The following ZSWIM4 variants were observed in gnomAD, a reference collection of about 807,000 sequenced individuals.
ZSWIM4 encodes the protein zinc finger SWIM domain-containing protein 4.
A neutral mutation model predicts 102.5 loss-of-function variants in ZSWIM4; 62 were observed. The ratio of observed to expected loss-of-function variants is 0.60; its 90% CI spans 0.49 to 0.75. The LOEUF is 0.75. Among genes scored for constraint, ZSWIM4 ranks in the 30% least tolerant of loss-of-function variants. The probability of loss-of-function intolerance (pLI) is 0.00; values close to 1 mark genes in which losing one functional copy is unlikely to be tolerated. For synonymous variants in ZSWIM4, 652 were observed against 674.5 expected (o/e 0.97, Z 0.52); for missense variants, 1,280 against 1,529.6 (o/e 0.84, Z 2.72).
chr19:13,819,228 C>G, intron 9 of ZSWIM4, 129 bp from the exon 10 acceptor site: 1 of 1,287,724 alleles, frequency 7.8e-7, no homozygotes, highest in Non-Finnish European at 1.1e-6. Context: ...ACCCCAGAGA[C>G]CCATCTAGCC....
At chr19:13,808,666 G>T (rs1263460379) in intron 3 of ZSWIM4, among the ~76,000 whole-genome samples, 170 bp from the exon 4 acceptor site, 1 of 151,262 alleles carries the variant, frequency 6.6e-6, no homozygotes, top group South Asian at 2.1e-4. Flanking sequence ...TTGAACCCGG[G>T]AGGCAGAGGT....
rs776744744 is a variant in ZSWIM4 at position 13,804,990 on chromosome 19, G to A, written c.554G>A (p.Arg185Gln). Residue 185 changes from arginine to glutamine, a missense_variant, in exon 3 of 14, where the codon CGG becomes CAG. Arg to Gln is a conservative substitution (Grantham distance 43, BLOSUM62 1). Coordinates refer to ENST00000590508, the MANE Select transcript of ZSWIM4 (RefSeq NM_001367834.3). ...RIRHAHQVEL[R>Q]LPISETLSQM... ...CGGCACGCCCACCAGGTGGAGCTGC[G>A]GCTGCCCATCTCCGAGACGCTCTCC... 1.9e-6 allele frequency: 3 copies of A among 1,612,640 alleles called. No homozygotes were observed. Among genetic ancestry groups the A allele is most frequent in the Non-Finnish European group, 1.7e-6 (2 of 1,180,042 alleles).
intron 11 of ZSWIM4, among the ~76,000 whole-genome samples, chr19:13,824,144 A>T (rs1975542938): frequency 6.6e-6 from 1 of 151,776 alleles, no homozygotes; most frequent in Admixed American, 6.6e-5. Context: ...GCCAGAGAGG[A>T]GAGAGAGAAG....
intron 13 of ZSWIM4, 76 bp from the exon 14 acceptor site, chr19:13,830,115 C>T: frequency 1.3e-6 from 2 of 1,534,846 alleles, no homozygotes; most frequent in Non-Finnish European, 1.8e-6. Flanking sequence ...GTGGCAGTGT[C>T]ATGGTTAACC....
chr19:13,805,205 A>G (rs1974887507), intron 3 of ZSWIM4, 57 bp downstream of exon 3: 6 of 1,442,452 alleles, frequency 4.2e-6, no homozygotes, highest in Admixed American at 1.7e-5. Flanking sequence ...CAGCCACGCC[A>G]CTTGCTGTGT....
chr19:13,823,864 C>G (rs1975534702), intron 11 of ZSWIM4, among the ~76,000 whole-genome samples: 1 of 152,180 alleles, frequency 6.6e-6, no homozygotes, highest in African/African-American at 2.4e-5. Flanking sequence ...TAACAAAACA[C>G]CAGAGACTGC....
chr19:13,799,619 G>A (rs1974701009), intron 1 of ZSWIM4, 101 bp from the exon 2 acceptor site: 1 of 1,142,982 alleles, frequency 8.7e-7, no homozygotes. Flanking sequence ...TGCCCAGGCT[G>A]GTCTCGAACT....
At chr19:13,805,454 A>G (rs1403935594) in intron 3 of ZSWIM4, among the ~76,000 whole-genome samples, 1 of 151,768 alleles carries the variant, frequency 6.6e-6, no homozygotes, top group Non-Finnish European at 1.5e-5. Flanking sequence ...CAATAGATGG[A>G]GCATCCTGGG....
At position 13,825,044 on chromosome 19, in the gene ZSWIM4, C is replaced by CTTTTT. The variant is rs74181840; in HGVS notation, c.2216-496_2216-492dup. Among the ~76,000 whole-genome samples the CTTTTT allele has an allele frequency of 1.9e-5, 2 of 106,600 alleles. No homozygotes were observed. The highest frequency in any genetic ancestry group is 9.0e-5 in the Admixed American group (1 of 11,126). The allele number at this position is 106,600 out of a possible 152,430, so 69.9% of individuals were successfully genotyped here. A position where few individuals can be genotyped will look rare whatever the true frequency, so the allele number is the denominator to read the frequency against. On this transcript the variant is annotated intron_variant, in intron 11 of 13. Transcript: ENST00000590508. The surrounding 1 kb of genome is among the most constrained non-coding windows in gnomAD (Gnocchi z 4.6). ...AGGATCCCTAGGTGGCTTTTCTTTT[C>CTTTTT]TTTTTTTTTTTTTTGAGATGGATAT...
rs957645760 is a variant in ZSWIM4, at chr19:13,818,069, C to A, written c.1924+93C>A. Reference sequence around the variant, plus strand: ...CCGGTTGCTGCCAGATGGGAGGCCCCGCCCCAGCCCCGCCCCTAGCCCCGC... The same window carrying A: ...CCGGTTGCTGCCAGATGGGAGGCCCAGCCCCAGCCCCGCCCCTAGCCCCGC... On this transcript the variant is annotated intron_variant, in intron 9 of 13. Coordinates refer to ENST00000590508, the MANE Select transcript of ZSWIM4 (RefSeq NM_001367834.3). 7 of 1,418,606 alleles carry A rather than the reference C, an allele frequency of 4.9e-6. No homozygotes were observed. In the East Asian group the frequency reaches 1.1e-4, roughly 21 times the overall value. The allele number at this position is 1,418,606 out of a possible 1,614,324, so 87.9% of individuals were successfully genotyped here. A position where few individuals can be genotyped will look rare whatever the true frequency, so the allele number is the denominator to read the frequency against.
In ZSWIM4 at chr19:13,795,664, G is replaced by A. The variant is rs1974589302; in HGVS notation, c.16G>A (p.Ala6Thr). The change falls in exon 1 of 14, where the codon GCC becomes ACC. Residue 6 changes from alanine (A) to threonine (T), a missense_variant. Transcript: ENST00000590508. MEPPA[A>T]KRSRGCPAGP... ...GCCGGGCCGGATGGAACCCCCCGCG[G>A]CCAAGCGGAGCCGGGGCTGCCCCGC... is the stretch of plus-strand genomic sequence containing the variant. 3.4e-6 allele frequency: 3 copies of A among 889,734 alleles called. No homozygotes were observed. The highest frequency in any genetic ancestry group is 4.3e-6 in the Non-Finnish European group (3 of 692,524). The allele number at this position is 889,734 out of a possible 1,614,324, so 55.1% of individuals were successfully genotyped here.
At position 13,825,784 on chromosome 19, in the gene ZSWIM4, C is replaced by T; in HGVS notation, c.2379+71C>T. 4 of 1,521,244 alleles carry T rather than the reference C, an allele frequency of 2.6e-6. No individual in the cohort carries two copies. The highest frequency in any genetic ancestry group is 3.5e-6 in the Non-Finnish European group (4 of 1,136,672). 94.2% of individuals were successfully genotyped at this position (1,521,244 alleles called of 1,614,324 possible). On this transcript the variant is annotated intron_variant, in intron 12 of 13. Coordinates refer to ENST00000590508, the MANE Select transcript of ZSWIM4 (RefSeq NM_001367834.3). This position sits in a 1 kb window ranked among gnomAD's most constrained non-coding sequence, Gnocchi z 4.6. ...CCAGGACTGACTGTGAGCTGCGCCT[C>T]CCGGGGCATGGGCTGAGTGTGAGCC...
At position 13,799,868 on chromosome 19, in the gene ZSWIM4, C is replaced by T. The variant is rs1268488151; in HGVS notation, c.302C>T (p.Thr101Ile). The T allele has an allele frequency of 1.2e-6, 2 of 1,613,456 alleles. No homozygotes were observed. Among genetic ancestry groups the T allele is most frequent in the South Asian group, 2.2e-5 (2 of 91,080 alleles). ...EGEHDARVPF[T>I]RGLHLLQSGA... is the part of the protein sequence containing the mutation. ...GAGCACGATGCCCGGGTGCCCTTTA[C>T]CCGCGGGCTGCACCTGCTCCAGAGC... Residue 101 changes from threonine to isoleucine, a missense_variant, in exon 2 of 14, where the codon ACC (threonine) becomes ATC (isoleucine). Physicochemically the swap from Thr to Ile is moderately conservative, Grantham distance 89 (BLOSUM62 -1). Coordinates refer to ENST00000590508, the MANE Select transcript of ZSWIM4 (RefSeq NM_001367834.3).
At chr19:13,824,201 C>T (rs1272059916) in intron 11 of ZSWIM4, among the ~76,000 whole-genome samples, 1 of 152,094 alleles carries the variant, frequency 6.6e-6, no homozygotes, top group Non-Finnish European at 1.5e-5. Flanking sequence ...AGTTAAATTT[C>T]TCCAGTGTAT....
chr19:13,801,585 C>T (rs1486367461), intron 2 of ZSWIM4, among the ~76,000 whole-genome samples: 1 of 151,878 alleles, frequency 6.6e-6, no homozygotes, highest in African/African-American at 2.4e-5. Context: ...GCTGGGATTT[C>T]AAAGGCTTAG....
rs1370459779 is a variant in ZSWIM4 at position 13,795,708 on chromosome 19, TGCCGGGGCCGGGGCCGCGCGTG to T, written c.72_93del (p.Ala25ProfsTer12). On this transcript the variant is annotated frameshift_variant, in exon 1 of 14. Transcript: ENST00000590508. LOFTEE classifies it high-confidence loss of function. ...GCCCCGCGGGACCCGAGGAGCGCGA[TGCCGGGGCCGGGGCCGCGCGTG>T]GCCGGGGCCGGCCCGAGGCGCTGCT... 1.1e-5 allele frequency: 13 copies of T among 1,184,908 alleles called. No individual in the cohort carries two copies. The highest frequency in any genetic ancestry group is 1.3e-5 in the Non-Finnish European group (12 of 951,008). The allele number at this position is 1,184,908 out of a possible 1,614,324, so 73.4% of individuals were successfully genotyped here.
rs924506421 is a variant in ZSWIM4, at chr19:13,813,120, C to G, written c.1136C>G (p.Ser379Cys). The G allele has an allele frequency of 1.9e-5, 30 of 1,613,838 alleles. No homozygotes were observed. The highest frequency in any genetic ancestry group is 2.5e-5 in the Non-Finnish European group (29 of 1,179,856). Reference protein sequence around the residue: ...DVCPLEEGNYSFDGPSLQPTM... With the variant: ...DVCPLEEGNYCFDGPSLQPTM... ...TGCCCACTGGAAGAGGGCAACTACT[C>G]CTTCGACGGCCCCAGCCTGCAGCCC... is the stretch of plus-strand genomic sequence containing the variant. The change falls in exon 6 of 14, where the codon TCC becomes TGC. Residue 379 changes from serine to cysteine, a missense_variant. Transcript: ENST00000590508.
In ZSWIM4 at chr19:13,805,270, G is replaced by C. The variant is rs183039713; in HGVS notation, c.712+122G>C. ...GTTGTGGGGGCGGGGGGCGGAAAAC[G>C]CGCCATGGCCTGCATCATCTGAGGT... On this transcript the variant is annotated intron_variant, in intron 3 of 13. Coordinates refer to ENST00000590508, the MANE Select transcript of ZSWIM4 (RefSeq NM_001367834.3). 12 of 864,992 alleles carry C rather than the reference G, an allele frequency of 1.4e-5. No individual in the cohort carries two copies. In the Admixed American group the frequency reaches 2.5e-4, roughly 18 times the overall value. The allele number at this position is 864,992 out of a possible 1,614,324, so 53.6% of individuals were successfully genotyped here.
chr19:13,816,684 G>T (rs917729168), intron 7 of ZSWIM4, among the ~76,000 whole-genome samples: 2 of 152,136 alleles, frequency 1.3e-5, no homozygotes, highest in African/African-American at 4.8e-5. Flanking sequence ...AGGAGAAGGG[G>T]ATGGAGGAAG....
Sources: allele counts gnomAD v4.1 joint callset (sites outside exome capture counted in the v4.1 genomes callset), GRCh38; gene constraint gnomAD v4.1.1; non-coding constraint Gnocchi (gnomAD v3.1); transcripts MANE v1.5; gene names NCBI Gene and HGNC (gene_info 2026-07-23, HGNC 2026-07-21).